Variants in GPC6 observed in about 807,000 individuals in gnomAD.
GPC6 encodes the protein glypican 6.
A neutral mutation model predicts 55.2 loss-of-function variants in GPC6; 14 were observed. The ratio of observed to expected loss-of-function variants is 0.25; its 90% CI spans 0.17 to 0.40. GPC6 has a LOEUF of 0.40. GPC6 is among the 10% of genes least tolerant of loss of function. The pLI is 1.00. For synonymous variants in GPC6, 278 were observed against 259.6 expected (o/e 1.07, Z -0.68); for missense variants, 641 against 708.5 (o/e 0.90, Z 1.08).
At chr13:93,376,049 CTT>C (rs11362182) in intron 1 of GPC6, among the ~76,000 whole-genome samples, 116 of 137,736 alleles carry the variant, frequency 8.4e-4, no homozygotes, top group East Asian at 2.9e-3. Flanking sequence ...GCATCTGGCA[CTT>C]TTTTTTTTTT....
chr13:93,918,037 C>T (rs970885310), intron 3 of GPC6, among the ~76,000 whole-genome samples: 23 of 151,358 alleles, frequency 1.5e-4, no homozygotes, highest in African/African-American at 4.9e-4. Flanking sequence ...GCAGAGGTTG[C>T]GGTGAGCTGA....
chr13:93,321,471 TTTTAAG>T (rs1165232996), intron 1 of GPC6, among the ~76,000 whole-genome samples: 1 of 152,186 alleles, frequency 6.6e-6, no homozygotes, highest in Admixed American at 6.5e-5. Context: ...ATAGTGCAGA[TTTTAAG>T]TTTAACTAAA....
At chr13:93,747,659 A>G (rs1382748554) in intron 2 of GPC6, among the ~76,000 whole-genome samples, 2 of 152,210 alleles carry the variant, frequency 1.3e-5, no homozygotes, top group Non-Finnish European at 2.9e-5. Flanking sequence ...GGTATTCAAC[A>G]CTTCATTAAG....
At chr13:93,739,446 T>G (rs987130840) in intron 2 of GPC6, among the ~76,000 whole-genome samples, 1 of 151,780 alleles carries the variant, frequency 6.6e-6, no homozygotes, top group Non-Finnish European at 1.5e-5. Context: ...TTTTTTTTTT[T>G]TGAGACGGAG....
intron 2 of GPC6, among the ~76,000 whole-genome samples, chr13:93,781,017 C>T (rs566793717): frequency 9.9e-4 from 150 of 152,200 alleles, no homozygotes; most frequent in African/African-American, 3.5e-3. Flanking sequence ...GTGGCTCATG[C>T]CTGTAATCCC....
chr13:93,698,759 A>C (rs903572882), intron 2 of GPC6, among the ~76,000 whole-genome samples: 1 of 151,896 alleles, frequency 6.6e-6, no homozygotes, highest in East Asian at 1.9e-4. Flanking sequence ...AAACCAATGT[A>C]TTTGGCTTTC....
At chr13:93,951,427 C>T (rs1357288635) in intron 3 of GPC6, among the ~76,000 whole-genome samples, 1 of 152,078 alleles carries the variant, frequency 6.6e-6, no homozygotes, top group Non-Finnish European at 1.5e-5. Flanking sequence ...TGTTTCATTT[C>T]TCCAGTAAGT....
At chr13:93,739,888 A>G (rs540426974) in intron 2 of GPC6, among the ~76,000 whole-genome samples, 2 of 152,334 alleles carry the variant, frequency 1.3e-5, no homozygotes, top group African/African-American at 2.4e-5. Flanking sequence ...ATGAATAAGT[A>G]AAATACATAA....
At chr13:93,813,356 T>G (rs1447653810) in intron 2 of GPC6, among the ~76,000 whole-genome samples, 1 of 152,092 alleles carries the variant, frequency 6.6e-6, no homozygotes, top group Non-Finnish European at 1.5e-5. Flanking sequence ...AGGTGGAGGT[T>G]GCAGTGAGCC....
At chr13:93,934,632 A>G (rs574612137) in intron 3 of GPC6, among the ~76,000 whole-genome samples, 1 of 152,296 alleles carries the variant, frequency 6.6e-6, no homozygotes, top group East Asian at 1.9e-4. Flanking sequence ...GCCTGGAACA[A>G]TGATCAGTCT....
intron 2 of GPC6, among the ~76,000 whole-genome samples, chr13:93,572,427 G>A (rs1876453626): frequency 6.6e-6 from 1 of 152,066 alleles, no homozygotes; most frequent in African/African-American, 2.4e-5. Flanking sequence ...CAGATCAGCA[G>A]CATCCACATC....
chr13:93,584,191 A>G (rs1877079051), intron 2 of GPC6, among the ~76,000 whole-genome samples: 1 of 152,214 alleles, frequency 6.6e-6, no homozygotes, highest in Admixed American at 6.5e-5. Flanking sequence ...AACAGCATCG[A>G]AGAAACATAG....
At chr13:93,386,398 C>T (rs897041063) in intron 1 of GPC6, among the ~76,000 whole-genome samples, 5 of 152,082 alleles carry the variant, frequency 3.3e-5, no homozygotes, top group Admixed American at 3.3e-4. Flanking sequence ...TTCCTCTTGT[C>T]AGGAATAAAA....
At chr13:94,269,174 C>T (rs1002884199) in intron 4 of GPC6, among the ~76,000 whole-genome samples, 2 of 152,202 alleles carry the variant, frequency 1.3e-5, no homozygotes, top group African/African-American at 4.8e-5. Context: ...AACTGAGCCA[C>T]ACGTTCGCTT....
rs58920250 is a variant in GPC6 at position 93,644,766 on chromosome 13, GTAAATAAATAAA to G, written c.319+99379_319+99390del. Among the ~76,000 whole-genome samples the G allele has an allele frequency of 5.8e-3, 834 of 143,258 alleles. 8 individuals carry two copies. The highest frequency in any genetic ancestry group is 0.018 in the African/African-American group (723 of 39,094). The allele number at this position is 143,258 out of a possible 152,430, so 94.0% of individuals were successfully genotyped here. ...ACATAGATTACTGTTGCCATCAAGA[GTAAATAAATAAA>G]TAAATAAATAAATAAATAAATAAAT... On this transcript the variant is annotated intron_variant, in intron 2 of 8. Coordinates refer to ENST00000377047, the MANE Select transcript of GPC6 (RefSeq NM_005708.5).
upstream of GPC6, among the ~76,000 whole-genome samples, chr13:93,222,075 G>T (rs181012703): frequency 2.5e-4 from 38 of 152,190 alleles, no homozygotes; most frequent in East Asian, 1.9e-3. Flanking sequence ...ATACTTCAGA[G>T]TTATTATTTG....
chr13:94,253,953 CA>C (rs1891431452), intron 4 of GPC6, among the ~76,000 whole-genome samples: 1 of 152,036 alleles, frequency 6.6e-6, no homozygotes, highest in Non-Finnish European at 1.5e-5. Context: ...TGGTAGCACA[CA>C]GATTGATGTA....
At chr13:93,583,338 T>TTTGTGTGTGTGTG (rs1877024472) in intron 2 of GPC6, among the ~76,000 whole-genome samples, 1 of 151,456 alleles carries the variant, frequency 6.6e-6, no homozygotes, top group African/African-American at 2.4e-5. Context: ...GTAATGCACA[T>TTTGTGTGTGTGTG]TGTGTGTGTG....
intron 4 of GPC6, among the ~76,000 whole-genome samples, chr13:94,177,975 A>T (rs960761929): frequency 6.6e-6 from 1 of 151,342 alleles, no homozygotes; most frequent in African/African-American, 2.4e-5. Flanking sequence ...TTGGTCTGTT[A>T]GTTAGAAATT....
Sources: allele counts gnomAD v4.1 joint callset (sites outside exome capture counted in the v4.1 genomes callset), GRCh38; gene constraint gnomAD v4.1.1; transcripts MANE v1.5; gene names NCBI Gene and HGNC (gene_info 2026-07-23, HGNC 2026-07-21).